The following ADAMTS2 variants were observed in gnomAD, a reference collection of about 807,000 sequenced individuals.
ADAMTS2 encodes the protein ADAM metallopeptidase with thrombospondin type 1 motif 2.
ADAMTS2 carries 50 observed loss-of-function variants against 123.0 expected under a neutral mutation model. The ratio of observed to expected loss-of-function variants is 0.41; its 90% CI spans 0.32 to 0.51. The LOEUF (loss-of-function observed/expected upper bound fraction) is 0.51, where lower values mean the gene tolerates loss of function less well. Among genes scored for constraint, ADAMTS2 ranks in the 20% least tolerant of loss-of-function variants. The pLI is 0.35. For synonymous variants in ADAMTS2, 678 were observed against 695.4 expected, an observed-to-expected ratio of 0.98 and a Z score of 0.39; for missense variants, 1,494 against 1,705.2, an observed-to-expected ratio of 0.88 and a Z score of 2.18.
intron 2 of ADAMTS2, among the ~76,000 whole-genome samples, chr5:179,286,622 CA>C (rs1432443273): frequency 1.3e-5 from 2 of 152,170 alleles, no homozygotes; most frequent in Non-Finnish European, 2.9e-5. Context: ...GGCTCACCCA[CA>C]TCCACCAGGA....
intron 3 of ADAMTS2, among the ~76,000 whole-genome samples, chr5:179,216,278 A>C (rs200884281): frequency 3.9e-4 from 60 of 152,314 alleles, no homozygotes; most frequent in East Asian, 3.3e-3. Context: ...CCCCACCTCC[A>C]TCAGGCCATC....
At chr5:179,276,206 G>A (rs550856696) in intron 2 of ADAMTS2, among the ~76,000 whole-genome samples, 59 of 152,284 alleles carry the variant, frequency 3.9e-4, no homozygotes, top group African/African-American at 1.3e-3. Flanking sequence ...GGGAGGCACC[G>A]AGCAGGCAGG....
At chr5:179,245,765 CAAAAAAAAAA>C (rs1171837041) in intron 3 of ADAMTS2, among the ~76,000 whole-genome samples, 1 of 17,200 alleles carries the variant, frequency 5.8e-5, no homozygotes, top group African/African-American at 1.7e-4. Context: ...GACTCCGTCT[CAAAAAAAAAA>C]AAAAAAAAAA....
At chr5:179,271,323 G>A (rs4701088) in intron 3 of ADAMTS2, among the ~76,000 whole-genome samples, 33,493 of 152,140 alleles carry the variant, frequency 0.22, 4,187 homozygotes, top group South Asian at 0.3. Flanking sequence ...AGCTCACCTC[G>A]CCTGAGCAGA....
chr5:179,307,439 C>T lies in ADAMTS2; in HGVS notation c.535-34375G>A, dbSNP rs952823288. Among the ~76,000 whole-genome samples, 8 of 152,290 alleles carry T rather than the reference C, an allele frequency of 5.3e-5. No homozygotes were observed. The South Asian group carries it at 1.5e-3, about 28-fold the overall frequency. The stretch of plus-strand genomic sequence containing the variant: ...CAACAGCCCGGTCCGGGGGGCACCA[C>T]CACGCAGGGGCTTCCCGGGTCATGC... On this transcript the variant is annotated intron_variant, in intron 2 of 21. Transcript: ENST00000251582. This position sits in a 1 kb window ranked among gnomAD's most constrained non-coding sequence, Gnocchi z 5.6.
Position 179,281,813 on chromosome 5 carries a change from C to A in ADAMTS2, c.535-8749G>T, listed in dbSNP as rs566979082. Reference sequence around the variant, plus strand: ...ATTTCCCCTCATCCCCACCAATACTCATTATTCTTAGGCTCTTTGACTCTA... The same window carrying A: ...ATTTCCCCTCATCCCCACCAATACTAATTATTCTTAGGCTCTTTGACTCTA... On this transcript the variant is annotated intron_variant, in intron 2 of 21. Transcript: ENST00000251582. Among the ~76,000 whole-genome samples the A allele has an allele frequency of 4.6e-5, 7 of 152,314 alleles. No individual in the cohort carries two copies. The South Asian group carries it at 8.3e-4, about 18-fold the overall frequency.
At chr5:179,288,269 C>T (rs768856460) in intron 2 of ADAMTS2, among the ~76,000 whole-genome samples, 30 of 152,228 alleles carry the variant, frequency 2.0e-4, no homozygotes, top group African/African-American at 6.8e-4. Context: ...ATCCAGGGCA[C>T]GCTGACCGCC....
chr5:179,329,289 T>G, intron 2 of ADAMTS2, among the ~76,000 whole-genome samples: 1 of 145,354 alleles, frequency 6.9e-6, no homozygotes, highest in East Asian at 2.0e-4. Context: ...ATAGTGCCAC[T>G]GCGCTCCAGC....
intron 2 of ADAMTS2, among the ~76,000 whole-genome samples, chr5:179,319,461 T>C (rs995258159): frequency 2.6e-5 from 4 of 151,982 alleles, no homozygotes; most frequent in Non-Finnish European, 5.9e-5. Flanking sequence ...TGTGCACACA[T>C]GCATGACACT....
chr5:179,207,371 C>T lies in ADAMTS2; in HGVS notation c.891+142G>A, dbSNP rs1016848273. ...CTCACCTGGGGACCCAGCAAGCCTC[C>T]CTGAGACTGTGTCACTCACCTCCGG... is the stretch of plus-strand genomic sequence containing the variant. On this transcript the variant is annotated intron_variant, in intron 4 of 21. Coordinates refer to ENST00000251582, the MANE Select transcript of ADAMTS2 (RefSeq NM_014244.5). 3.4e-6 allele frequency: 3 copies of T among 881,598 alleles called. No homozygotes were observed. The African/African-American group carries it at 4.9e-5, about 14-fold the overall frequency. 54.6% of individuals were successfully genotyped at this position (881,598 alleles called of 1,614,324 possible).
rs1055120275 is a variant in ADAMTS2 at position 179,314,528 on chromosome 5, C to T, written c.534+29239G>A. 1.3e-5 allele frequency among the ~76,000 whole-genome samples: 2 copies of T among 152,182 alleles called. No individual in the cohort carries two copies. The highest frequency in any genetic ancestry group is 2.9e-5 in the Non-Finnish European group (2 of 68,018). On this transcript the variant is annotated intron_variant, in intron 2 of 21. Transcript: ENST00000251582. The surrounding 1 kb of genome is among the most constrained non-coding windows in gnomAD (Gnocchi z 4.5). ...GAGCCCAGGAAGCAGCCCTCCCACC[C>T]ACAGCGCTCCTGCCTCTGCAGCCCC...
rs2113350861 is a variant in ADAMTS2 at position 179,197,230 on chromosome 5, G to T, written c.891+10283C>A. ...GGTCTGCCTCCTGTCTACAAGGAGT[G>T]CGGTGGGACCAGGGGCTCACAAAGA... On this transcript the variant is annotated intron_variant, in intron 4 of 21. Coordinates refer to ENST00000251582, the MANE Select transcript of ADAMTS2 (RefSeq NM_014244.5). The surrounding 1 kb of genome is among the most constrained non-coding windows in gnomAD (Gnocchi z 4.2). Among the ~76,000 whole-genome samples, 1 of 152,290 alleles carries T rather than the reference G, an allele frequency of 6.6e-6. No individual in the cohort carries two copies. The highest frequency in any genetic ancestry group is 1.5e-5 in the Non-Finnish European group (1 of 68,028).
In ADAMTS2 at chr5:179,307,059, C is replaced by G. The variant is rs1201070618; in HGVS notation, c.535-33995G>C. 6.6e-6 allele frequency among the ~76,000 whole-genome samples: 1 copy of G among 152,078 alleles called. No individual in the cohort carries two copies. The highest frequency in any genetic ancestry group is 1.5e-5 in the Non-Finnish European group (1 of 68,010). ...CCTGAGTCCTTGGAGGTGAGGCCAG[C>G]ACGTAGTAGAGGGGCAGCCGAGTAA... On this transcript the variant is annotated intron_variant, in intron 2 of 21. Coordinates refer to ENST00000251582, the MANE Select transcript of ADAMTS2 (RefSeq NM_014244.5). This position sits in a 1 kb window ranked among gnomAD's most constrained non-coding sequence, Gnocchi z 5.6.
chr5:179,278,722 G>C (rs1766811215), intron 2 of ADAMTS2, among the ~76,000 whole-genome samples: 1 of 151,978 alleles, frequency 6.6e-6, no homozygotes, highest in Non-Finnish European at 1.5e-5. Context: ...GAGGATCATG[G>C]GGAGGGCTCT....
chr5:179,209,549 TAC>T (rs1491322728), intron 3 of ADAMTS2, among the ~76,000 whole-genome samples: 2 of 126,386 alleles, frequency 1.6e-5, no homozygotes, highest in Non-Finnish European at 3.5e-5. Context: ...CACACACATG[TAC>T]ACACACACAA....
At chr5:179,330,200 C>G (rs1757447058) in intron 2 of ADAMTS2, among the ~76,000 whole-genome samples, 1 of 151,950 alleles carries the variant, frequency 6.6e-6, no homozygotes. Context: ...CACCAAGGGT[C>G]CCAGGCCAGC....
At chr5:179,280,801 CAG>C (rs1426475678) in intron 2 of ADAMTS2, among the ~76,000 whole-genome samples, 2 of 152,190 alleles carry the variant, frequency 1.3e-5, no homozygotes, top group Non-Finnish European at 1.5e-5. Context: ...TCGACTCAAC[CAG>C]AGAGTTTAAA....
intron 5 of ADAMTS2, among the ~76,000 whole-genome samples, chr5:179,173,113 G>A (rs981560116): frequency 4.6e-5 from 7 of 151,422 alleles, no homozygotes; most frequent in South Asian, 2.1e-4. Context: ...TTGGGAGGCC[G>A]AGATGAGAGG....
intron 3 of ADAMTS2, among the ~76,000 whole-genome samples, chr5:179,220,939 C>T (rs1159148645): frequency 6.6e-6 from 1 of 152,178 alleles, no homozygotes; most frequent in Non-Finnish European, 1.5e-5. Flanking sequence ...ATGAGGCCCT[C>T]TCCTACCCGG....
Sources: gnomAD v4.1 joint callset for allele counts (sites outside exome capture counted in the v4.1 genomes callset) on GRCh38, gnomAD v4.1.1 for gene constraint, Gnocchi (gnomAD v3.1) non-coding constraint, MANE v1.5 for transcripts, NCBI Gene and HGNC (gene_info 2026-07-23, HGNC 2026-07-21) for gene names.